Variants in MCCC1 observed in about 807,000 individuals in gnomAD.
MCCC1 encodes methylcrotonoyl-CoA carboxylase subunit alpha, mitochondrial.
Under a neutral mutation model 83.8 loss-of-function variants are expected in MCCC1, and 64 were observed. The observed-to-expected ratio is 0.76, with a 90% CI of 0.62 to 0.94. MCCC1 has a LOEUF of 0.94. MCCC1 is among the 40% of genes least tolerant of loss of function. MCCC1 has a pLI of 0.00. For synonymous variants in MCCC1, 322 were observed against 315.4 expected (o/e 1.02, Z -0.22); for missense variants, 807 against 904.7 (o/e 0.89, Z 1.39).
rs1711534006 is a variant in MCCC1, at chr3:183,015,383, C to G, written c.*55G>C. 6 of 1,606,922 alleles carry G rather than the reference C, an allele frequency of 3.7e-6. No individual in the cohort carries two copies. The highest frequency in any genetic ancestry group is 5.1e-6 in the Non-Finnish European group (6 of 1,173,718). On this transcript the variant is annotated 3_prime_UTR_variant, in exon 19 of 19. Transcript: ENST00000265594. ...CCCCCAGAAAAGCTGGAGGCACTTC[C>G]TCTTTTTGGTGGAGAGAGAAGACAC...
In MCCC1 at chr3:183,020,083, C is replaced by A. The variant is rs775799448; in HGVS notation, c.1977+47G>T. On this transcript the variant is annotated intron_variant, in intron 17 of 18. Transcript: ENST00000265594. ...ATAAATGACAAGTTTAACAAAGCCA[C>A]GTATTAAAACTTACTGAACATCATT... is the stretch of plus-strand genomic sequence containing the variant. The A allele has an allele frequency of 5.7e-6, 8 of 1,406,776 alleles. No individual in the cohort carries two copies. In the African/African-American group the frequency reaches 1.1e-4, roughly 20 times the overall value. The allele number at this position is 1,406,776 out of a possible 1,614,324, so 87.1% of individuals were successfully genotyped here. A position where few individuals can be genotyped will look rare whatever the true frequency, so the allele number is the denominator to read the frequency against.
In MCCC1 at chr3:183,099,413, G is replaced by A; in HGVS notation, c.28C>T (p.Leu10=). 2 of 1,607,818 alleles carry A rather than the reference G, an allele frequency of 1.2e-6. No individual in the cohort carries two copies. The highest frequency in any genetic ancestry group is 1.7e-6 in the Non-Finnish European group (2 of 1,178,258). Residue 10 remains leucine (L), a synonymous_variant, in exon 1 of 19, where the codon CTG becomes TTG. Transcript: ENST00000265594. MAAASAVSV[L]LVAAERNRWH... ...CGGTTCCTCTCCGCCGCCACCAGCA[G>A]CACCGACACCGCAGAGGCCGCCGCC...
chr3:183,052,236 C>A lies in MCCC1; in HGVS notation c.878G>T (p.Gly293Val). The A allele has an allele frequency of 6.2e-7, 1 of 1,613,494 alleles. No homozygotes were observed. The highest frequency in any genetic ancestry group is 8.5e-7 in the Non-Finnish European group (1 of 1,179,594). The change falls in exon 9 of 19, where the codon GGT becomes GTT. Residue 293 changes from glycine to valine, a missense_variant. Transcript: ENST00000265594. ...CTTTTTTCTTACTTCAGATTTAATA[C>A]CAGGCTATGAAAAAAATATGTAAAT... The part of the protein sequence containing the change: ...QKIIEEAPAP[G>V]IKSEVRKKLG...
chr3:183,040,137 C>T (rs901405039), intron 11 of MCCC1, among the ~76,000 whole-genome samples: 3 of 144,242 alleles, frequency 2.1e-5, no homozygotes, highest in South Asian at 2.2e-4. Context: ...AGGAAGGAAC[C>T]GGTGGGGCAA....
At chr3:183,081,409 T>C (rs1432957894) in intron 4 of MCCC1, among the ~76,000 whole-genome samples, 5 of 152,166 alleles carry the variant, frequency 3.3e-5, no homozygotes, top group Admixed American at 3.3e-4. Context: ...TATTCCAACC[T>C]TTTAGTTTGT....
intron 8 of MCCC1, among the ~76,000 whole-genome samples, chr3:183,056,901 G>A (rs1715461264): frequency 6.6e-6 from 1 of 152,110 alleles, no homozygotes; most frequent in Admixed American, 6.6e-5. Flanking sequence ...CTCCATGTGG[G>A]TCAGGCTGGT....
chr3:183,054,940 C>T (rs1035278988), intron 8 of MCCC1, among the ~76,000 whole-genome samples: 2 of 152,110 alleles, frequency 1.3e-5, no homozygotes, highest in Non-Finnish European at 2.9e-5. Flanking sequence ...GCAATGGGCT[C>T]TACCAGCAGC....
At chr3:183,043,063 G>A (rs748927915) in intron 10 of MCCC1, among the ~76,000 whole-genome samples, 24 of 152,228 alleles carry the variant, frequency 1.6e-4, no homozygotes, top group Non-Finnish European at 3.4e-4. Flanking sequence ...GCCGAGGCAG[G>A]CGGATCACCT....
chr3:183,088,331 C>T lies in MCCC1; in HGVS notation c.274-1543G>A, dbSNP rs139914934. The stretch of plus-strand genomic sequence containing the variant: ...GAGCGATTCTCCTGCCTCAGCCTCC[C>T]GAGTAGCTGGAATTACAGGTGCACA... On this transcript the variant is annotated intron_variant, in intron 3 of 18. Transcript: ENST00000265594. 3.3e-5 allele frequency among the ~76,000 whole-genome samples: 5 copies of T among 151,824 alleles called. No homozygotes were observed. The East Asian group carries it at 5.8e-4, about 18-fold the overall frequency.
intron 4 of MCCC1, among the ~76,000 whole-genome samples, chr3:183,076,985 C>A (rs1717122833): frequency 6.6e-6 from 1 of 152,146 alleles, no homozygotes; most frequent in South Asian, 2.1e-4. Context: ...TCATATAATA[C>A]ATGCAGTCTT....
intron 4 of MCCC1, among the ~76,000 whole-genome samples, chr3:183,078,276 T>G (rs1395214727): frequency 1.3e-5 from 2 of 152,192 alleles, no homozygotes; most frequent in African/African-American, 4.8e-5. Context: ...CACCTTGGTC[T>G]CCCAAAATGC....
upstream of MCCC1, among the ~76,000 whole-genome samples, chr3:183,101,545 G>C (rs532071730): frequency 7.9e-5 from 12 of 152,078 alleles, no homozygotes; most frequent in East Asian, 1.7e-3. Context: ...AATCTGATGG[G>C]GACGTGGAGA....
upstream of MCCC1, among the ~76,000 whole-genome samples, chr3:183,101,280 C>A (rs958684853): frequency 2.0e-5 from 3 of 152,250 alleles, no homozygotes; most frequent in African/African-American, 7.2e-5. Flanking sequence ...CTGAGGAATG[C>A]GAGCGCACGG....
chr3:183,086,215 T>C (rs1351170178), intron 4 of MCCC1, among the ~76,000 whole-genome samples: 1 of 152,234 alleles, frequency 6.6e-6, no homozygotes, highest in Non-Finnish European at 1.5e-5. Flanking sequence ...CTGAACATTC[T>C]TCTCCCTTGA....
intron 9 of MCCC1, among the ~76,000 whole-genome samples, chr3:183,050,916 C>G (rs1382267078): frequency 3.9e-5 from 6 of 151,972 alleles, no homozygotes; most frequent in Non-Finnish European, 8.8e-5. Flanking sequence ...ATAAAGATGG[C>G]AAGTATGCAT....
At chr3:183,096,163 C>G (rs1560285102) in intron 1 of MCCC1, among the ~76,000 whole-genome samples, 1 of 151,962 alleles carries the variant, frequency 6.6e-6, no homozygotes, top group East Asian at 1.9e-4. Flanking sequence ...TGGTGAAACC[C>G]CATCTCTACT....
At chr3:183,058,900 A>C (rs1715627468) in intron 7 of MCCC1, among the ~76,000 whole-genome samples, 1 of 152,240 alleles carries the variant, frequency 6.6e-6, no homozygotes, top group Non-Finnish European at 1.5e-5. Context: ...AAAACTGTCA[A>C]ACATAGAAGA....
chr3:183,073,544 T>C (rs979798484), intron 4 of MCCC1, among the ~76,000 whole-genome samples: 2 of 152,250 alleles, frequency 1.3e-5, no homozygotes, highest in African/African-American at 4.8e-5. Flanking sequence ...AGAACTGGAC[T>C]GATACCAATT....
chr3:183,089,056 T>C lies in MCCC1; in HGVS notation c.274-2268A>G, dbSNP rs115627404. On this transcript the variant is annotated intron_variant, in intron 3 of 18. Transcript: ENST00000265594. The stretch of plus-strand genomic sequence containing the variant: ...GTAGGGTTGGGTTGAAGGATATGCA[T>C]AGTTTAATAGCTCCTGGTTAATCAG... Among the ~76,000 whole-genome samples the C allele has an allele frequency of 3.6e-3, 541 of 152,300 alleles. 3 individuals are homozygous for C. The highest frequency in any genetic ancestry group is 0.012 in the African/African-American group (512 of 41,554).
Sources: allele counts gnomAD v4.1 joint callset (sites outside exome capture counted in the v4.1 genomes callset), GRCh38; gene constraint gnomAD v4.1.1; transcripts MANE v1.5; gene names NCBI Gene and HGNC (gene_info 2026-07-23, HGNC 2026-07-21).